Variants in C12orf42 observed in about 807,000 individuals in gnomAD.
C12orf42 encodes the protein uncharacterized protein C12orf42.
Under a neutral mutation model 21.6 loss-of-function variants are expected in C12orf42, and 25 were observed. The ratio of observed to expected loss-of-function variants is 1.16; its 90% CI spans 0.84 to 1.62. C12orf42 has a LOEUF of 1.62. C12orf42 is among the 40% of genes most tolerant of loss of function. C12orf42 has a pLI of 0.00. For synonymous variants in C12orf42, 174 were observed against 175.0 expected, an observed-to-expected ratio of 0.99 and a Z score of 0.05; for missense variants, 483 against 459.3, an observed-to-expected ratio of 1.05 and a Z score of -0.47.
the C12orf42 span, among the ~76,000 whole-genome samples, chr12:103,556,745 G>A: frequency 6.6e-6 from 1 of 152,102 alleles, no homozygotes; most frequent in Non-Finnish European, 1.5e-5. Flanking sequence ...CTGTGAATGT[G>A]ACCTTATTTG....
the C12orf42 span, among the ~76,000 whole-genome samples, chr12:103,198,887 G>A: frequency 6.6e-6 from 1 of 152,088 alleles, no homozygotes; most frequent in South Asian, 2.1e-4. Context: ...CTTCTTGATG[G>A]TCTGGTCTCT....
At chr12:103,486,639 C>A (rs1954853615) in intron 1 of C12orf42, among the ~76,000 whole-genome samples, 1 of 152,032 alleles carries the variant, frequency 6.6e-6, no homozygotes, top group East Asian at 1.9e-4. Flanking sequence ...CATTTCAGAG[C>A]CTGTTATTGG....
At position 103,356,752 on chromosome 12, in the gene C12orf42, G is replaced by C. The variant is rs2043601657; in HGVS notation, c.259+12135C>G. Among the ~76,000 whole-genome samples the C allele has an allele frequency of 2.0e-5, 3 of 151,976 alleles. No homozygotes were observed. The South Asian group carries it at 6.2e-4, about 32-fold the overall frequency. On this transcript the variant is annotated intron_variant, in intron 4 of 5. Transcript: ENST00000548883. ...TGAGATGGTATCTCATTGTGCTTTT[G>C]ATTTGCATTTCTCTGATGGCCAGTG...
chr12:103,398,774 C>T (rs1371044203), intron 3 of C12orf42, among the ~76,000 whole-genome samples: 1 of 151,966 alleles, frequency 6.6e-6, no homozygotes, highest in Non-Finnish European at 1.5e-5. Context: ...ATCTAATATC[C>T]TTTCTTTTGT....
chr12:103,526,551 T>G, the C12orf42 span, among the ~76,000 whole-genome samples: 2 of 152,128 alleles, frequency 1.3e-5, no homozygotes, highest in Non-Finnish European at 2.9e-5. Context: ...AAGAAAGGCT[T>G]AGAGAGGTTA....
chr12:103,248,903 A>G (rs1459211685), intron 10 of C12orf42, among the ~76,000 whole-genome samples: 1 of 152,044 alleles, frequency 6.6e-6, no homozygotes, highest in African/African-American at 2.4e-5. Context: ...AAAGTTTTAC[A>G]TATAATTGTT....
upstream of C12orf42, among the ~76,000 whole-genome samples, chr12:103,498,481 A>T (rs749391892): frequency 5.3e-5 from 8 of 152,370 alleles, no homozygotes; most frequent in Non-Finnish European, 1.0e-4. Flanking sequence ...TATTATTCAG[A>T]CAAAAAAGGA....
At chr12:103,277,713 G>A (rs772554867) in intron 4 of C12orf42, among the ~76,000 whole-genome samples, 1 of 151,288 alleles carries the variant, frequency 6.6e-6, no homozygotes, top group East Asian at 1.9e-4. Flanking sequence ...TCCACCTCCC[G>A]GGTTCACGCC....
At chr12:103,426,681 T>A (rs1949836856) in intron 2 of C12orf42, among the ~76,000 whole-genome samples, 1 of 151,862 alleles carries the variant, frequency 6.6e-6, no homozygotes, top group South Asian at 2.1e-4. Flanking sequence ...AAGGTTGAAA[T>A]GAAGGAAAAA....
chr12:103,132,888 C>T, the C12orf42 span, among the ~76,000 whole-genome samples: 1 of 152,200 alleles, frequency 6.6e-6, no homozygotes, highest in African/African-American at 2.4e-5. Flanking sequence ...GCCCCACCCT[C>T]CCCAGTAGCA....
chr12:103,376,480 A>G (rs1294679297), intron 3 of C12orf42, among the ~76,000 whole-genome samples: 1 of 152,144 alleles, frequency 6.6e-6, no homozygotes, highest in Non-Finnish European at 1.5e-5. Flanking sequence ...CCTAGATGAT[A>G]GGTTGACAGG....
At chr12:103,256,107 TATATACACACACACACAC>T (rs1201616216) in intron 10 of C12orf42, among the ~76,000 whole-genome samples, 1,559 of 38,966 alleles carry the variant, frequency 0.04, 19 homozygotes, top group Middle Eastern at 0.086. Flanking sequence ...TATATATATA[TATATACACACACACACAC>T]ACACACACAC....
At chr12:103,258,844 A>T in intron 10 of C12orf42, among the ~76,000 whole-genome samples, 1 of 152,200 alleles carries the variant, frequency 6.6e-6, no homozygotes, top group Non-Finnish European at 1.5e-5. Context: ...GTGGAGAATT[A>T]TACTATGTTC....
At chr12:103,400,762 A>C (rs567806885) in intron 3 of C12orf42, among the ~76,000 whole-genome samples, 1 of 152,190 alleles carries the variant, frequency 6.6e-6, no homozygotes, top group Admixed American at 6.5e-5. Flanking sequence ...AATTTAAGCC[A>C]ATCCTGCTCA....
At position 103,255,636 on chromosome 12, in the gene C12orf42, C is replaced by A. The variant is rs1398868076; in HGVS notation, c.*1366+7690G>T. On this transcript the variant is annotated intron_variant and NMD_transcript_variant, in intron 10 of 10. Transcript: ENST00000547347. ...AATTACTTATCGTTTGTTTTAAGGA[C>A]CATTTAGTCTAAAATTAATATGTTA... Among the ~76,000 whole-genome samples, 3 of 151,988 alleles carry A rather than the reference C, an allele frequency of 2.0e-5. No homozygotes were observed. In the East Asian group the frequency reaches 5.8e-4, roughly 29 times the overall value.
At chr12:103,539,274 T>C in the C12orf42 span, among the ~76,000 whole-genome samples, 6 of 152,222 alleles carry the variant, frequency 3.9e-5, no homozygotes, top group East Asian at 1.2e-3. Flanking sequence ...TCTCTAGACA[T>C]ATATCTGTGC....
intron 4 of C12orf42, among the ~76,000 whole-genome samples, chr12:103,342,393 CAAAT>C (rs922381178): frequency 1.3e-3 from 204 of 152,150 alleles, no homozygotes; most frequent in African/African-American, 4.6e-3. Flanking sequence ...AAAAGGTACT[CAAAT>C]AGAGAGGAGG....
At chr12:103,176,965 A>G in the C12orf42 span, among the ~76,000 whole-genome samples, 1 of 145,922 alleles carries the variant, frequency 6.9e-6, no homozygotes, top group African/African-American at 2.6e-5. Flanking sequence ...AGCCAGCCAT[A>G]AAAAAAAAAA....
intron 2 of C12orf42, among the ~76,000 whole-genome samples, chr12:103,468,799 A>G (rs994086302): frequency 6.6e-6 from 1 of 152,186 alleles, no homozygotes. Context: ...TTTTTGTAGA[A>G]CTAACAAGTG....
Sources: allele counts gnomAD v4.1 joint callset (sites outside exome capture counted in the v4.1 genomes callset), GRCh38; gene constraint gnomAD v4.1.1; transcripts MANE v1.5; gene names NCBI Gene and HGNC (gene_info 2026-07-23, HGNC 2026-07-21).